The following DLGAP2 variants were observed in gnomAD, a reference collection of about 807,000 sequenced individuals.
DLGAP2 encodes the protein DLG associated protein 2.
Under a neutral mutation model 100.3 loss-of-function variants are expected in DLGAP2, and 26 were observed. The observed-to-expected ratio is 0.26, with a 90% CI of 0.19 to 0.36. DLGAP2 has a LOEUF of 0.36. Among genes scored for constraint, DLGAP2 ranks in the 10% least tolerant of loss-of-function variants. The pLI is 1.00. For missense variants in DLGAP2, 1,858 were observed against 1,453.2 expected (o/e 1.28, Z -4.53); for synonymous variants, 886 against 630.1 (o/e 1.41, Z -6.08).
intron 1 of DLGAP2, among the ~76,000 whole-genome samples, chr8:823,262 G>A (rs1170276060): frequency 2.6e-5 from 4 of 151,976 alleles, no homozygotes; most frequent in Non-Finnish European, 5.9e-5. Context: ...CTGGCATTTC[G>A]GGAGCTCTGT....
intron 3 of DLGAP2, among the ~76,000 whole-genome samples, chr8:1,292,955 G>T (rs563495307): frequency 6.6e-6 from 1 of 152,148 alleles, no homozygotes; most frequent in African/African-American, 2.4e-5. Flanking sequence ...GACCCTGGGC[G>T]TGTCCGTCTC....
At chr8:914,553 C>G (rs1443304226) in intron 2 of DLGAP2, among the ~76,000 whole-genome samples, 5 of 152,184 alleles carry the variant, frequency 3.3e-5, no homozygotes, top group African/African-American at 9.7e-5. Flanking sequence ...AATGTGACCC[C>G]CTGGGGAAAA....
intron 7 of DLGAP2, among the ~76,000 whole-genome samples, chr8:1,628,747 T>G (rs570238257): frequency 2.0e-5 from 3 of 150,908 alleles, no homozygotes; most frequent in African/African-American, 7.4e-5. Context: ...CCTCACATTC[T>G]CTCTGACTTA....
intron 1 of DLGAP2, among the ~76,000 whole-genome samples, chr8:774,203 T>C (rs2132612950): frequency 6.6e-6 from 1 of 152,322 alleles, no homozygotes; most frequent in Non-Finnish European, 1.5e-5. Context: ...TTGTTTGTTT[T>C]TTTCTTGTAA....
chr8:1,009,234 C>T (rs529562548), intron 2 of DLGAP2, among the ~76,000 whole-genome samples: 1 of 152,342 alleles, frequency 6.6e-6, no homozygotes, highest in South Asian at 2.1e-4. Context: ...CCTTCCTCCC[C>T]TCCTTCAGTG....
chr8:1,505,267 T>C (rs1242339940), intron 4 of DLGAP2, among the ~76,000 whole-genome samples: 2 of 152,252 alleles, frequency 1.3e-5, no homozygotes, highest in East Asian at 1.9e-4. Flanking sequence ...GATGCTATTA[T>C]AGTGAATGAG....
At chr8:1,539,493 A>C (rs896315832) in intron 4 of DLGAP2, among the ~76,000 whole-genome samples, 2 of 152,144 alleles carry the variant, frequency 1.3e-5, no homozygotes, top group South Asian at 4.1e-4. Context: ...GTGAGAATTT[A>C]ACTTGTGCCT....
chr8:989,329 C>T (rs545561992), intron 2 of DLGAP2, among the ~76,000 whole-genome samples: 15 of 152,200 alleles, frequency 9.9e-5, no homozygotes, highest in Non-Finnish European at 1.8e-4. Context: ...CTCCCAGGGC[C>T]TGAGGGAGGG....
intron 2 of DLGAP2, among the ~76,000 whole-genome samples, chr8:1,069,062 G>C (rs1274065870): frequency 1.3e-5 from 2 of 152,190 alleles, no homozygotes; most frequent in African/African-American, 4.8e-5. Flanking sequence ...GCTGAAGTTG[G>C]CGGGTAGCAC....
intron 4 of DLGAP2, among the ~76,000 whole-genome samples, chr8:1,509,373 ACT>A (rs1199414684): frequency 6.6e-6 from 1 of 151,408 alleles, no homozygotes; most frequent in Non-Finnish European, 1.5e-5. Context: ...ACCAAAGTAC[ACT>A]CTGGATAATA....
chr8:1,047,409 G>C (rs375626933), intron 2 of DLGAP2, among the ~76,000 whole-genome samples: 1 of 152,098 alleles, frequency 6.6e-6, no homozygotes, highest in Admixed American at 6.5e-5. Flanking sequence ...ACCAGTTAAT[G>C]ATCCCATATT....
chr8:919,756 C>G (rs577628172), intron 2 of DLGAP2, among the ~76,000 whole-genome samples: 1 of 152,170 alleles, frequency 6.6e-6, no homozygotes, highest in African/African-American at 2.4e-5. Flanking sequence ...CACCACCCGC[C>G]TCTCTTTCCT....
chr8:1,077,280 G>A (rs1238710904), intron 2 of DLGAP2, among the ~76,000 whole-genome samples: 5 of 152,126 alleles, frequency 3.3e-5, no homozygotes, highest in Non-Finnish European at 7.3e-5. Flanking sequence ...GTTTCTAAAC[G>A]CAACCATGTT....
intron 12 of DLGAP2, among the ~76,000 whole-genome samples, chr8:1,689,246 C>T (rs1338332264): frequency 6.6e-6 from 1 of 152,316 alleles, no homozygotes; most frequent in East Asian, 1.9e-4. Context: ...AAGAAACGGA[C>T]TTTCTGGCCC....
At chr8:819,676 T>G (rs1796549496) in intron 1 of DLGAP2, among the ~76,000 whole-genome samples, 2 of 152,200 alleles carry the variant, frequency 1.3e-5, no homozygotes, top group Non-Finnish European at 2.9e-5. Flanking sequence ...AGTGGAAAAG[T>G]AGGCGCATCC....
intron 3 of DLGAP2, among the ~76,000 whole-genome samples, chr8:1,360,108 G>A (rs1020759839): frequency 6.6e-6 from 1 of 152,220 alleles, no homozygotes; most frequent in South Asian, 2.1e-4. Context: ...GGGGTTCGGA[G>A]GAGAGCGGGT....
At chr8:1,295,820 T>G (rs1800159826) in intron 3 of DLGAP2, among the ~76,000 whole-genome samples, 1 of 152,180 alleles carries the variant, frequency 6.6e-6, no homozygotes, top group South Asian at 2.1e-4. Flanking sequence ...TGTTCTGTTT[T>G]GCTCACAGCA....
intron 2 of DLGAP2, among the ~76,000 whole-genome samples, chr8:1,043,094 A>G (rs1234349719): frequency 2.5e-4 from 19 of 74,932 alleles, no homozygotes; most frequent in South Asian, 5.3e-4. Flanking sequence ...AGGTGGATGT[A>G]GGTGGTGGAT....
At chr8:1,630,782 G>A (rs1289375308) in intron 7 of DLGAP2, among the ~76,000 whole-genome samples, 5 of 151,988 alleles carry the variant, frequency 3.3e-5, no homozygotes, top group Admixed American at 2.6e-4. Context: ...AAATCTAACT[G>A]AAGTCTTGTG....
Sources: gnomAD v4.1 joint callset for allele counts (sites outside exome capture counted in the v4.1 genomes callset) on GRCh38, gnomAD v4.1.1 for gene constraint, MANE v1.5 for transcripts, NCBI Gene and HGNC (gene_info 2026-07-23, HGNC 2026-07-21) for gene names.